GSN: variants seen among roughly 807,000 people sequenced by gnomAD.
GSN encodes the protein actin-depolymerizing factor.
In GSN, 56 loss-of-function variants were observed where a neutral mutation model predicts 85.7. That is an observed-to-expected ratio of 0.65 (90% CI 0.53 to 0.82). The LOEUF (loss-of-function observed/expected upper bound fraction) is 0.82. GSN is among the 40% of genes least tolerant of loss of function. GSN has a pLI of 0.00. For missense variants in GSN, 857 were observed against 979.8 expected (o/e 0.87, Z 1.67); for synonymous variants, 373 against 399.1 (o/e 0.93, Z 0.78).
At chr9:121,301,648 A>G (rs1264108155) in intron 2 of GSN, among the ~76,000 whole-genome samples, 1 of 152,002 alleles carries the variant, frequency 6.6e-6, no homozygotes, top group African/African-American at 2.4e-5. Context: ...AAAAAAAGAA[A>G]AAAAGAAAGA....
chr9:121,215,264 T>G (rs2054041301), intron 4 of GSN, among the ~76,000 whole-genome samples: 1 of 144,100 alleles, frequency 6.9e-6, no homozygotes, highest in South Asian at 2.5e-4. Flanking sequence ...CCATCTAAGT[T>G]GCATTTGCAA....
At chr9:121,279,825 A>G (rs561701033) in intron 1 of GSN, 1 of 152,264 alleles carries the variant, frequency 6.6e-6, no homozygotes, top group African/African-American at 2.4e-5. Flanking sequence ...GTCATTAGTC[A>G]TTTGCAGAAA....
chr9:121,324,551 C>A lies in GSN; in HGVS notation c.1326-3C>A. The A allele has an allele frequency of 6.7e-7, 1 of 1,492,716 alleles. No homozygotes were observed. The highest frequency in any genetic ancestry group is 9.1e-7 in the Non-Finnish European group (1 of 1,095,004). 92.5% of individuals were successfully genotyped at this position (1,492,716 alleles called of 1,614,324 possible). On this transcript the variant is annotated splice_polypyrimidine_tract_variant and splice_region_variant and intron_variant, in intron 11 of 17. Transcript: ENST00000432226. Reference sequence around the variant, plus strand: ...TGATGCTGAATCTCACTTCCCCTTCCAGGCAGGGTGCCCAGTCTACCCAGG... The same window carrying A: ...TGATGCTGAATCTCACTTCCCCTTCAAGGCAGGGTGCCCAGTCTACCCAGG...
chr9:121,301,246 C>T (rs1356671323), intron 2 of GSN, among the ~76,000 whole-genome samples: 1 of 152,198 alleles, frequency 6.6e-6, no homozygotes, highest in Non-Finnish European at 1.5e-5. Context: ...CTGGGGCAAC[C>T]CCTGCTACAC....
intron 7 of GSN, among the ~76,000 whole-genome samples, 166 bp from the exon 8 acceptor site, chr9:121,316,907 GCAGATGTGGTTCT>G (rs1367607560): frequency 6.6e-6 from 1 of 151,930 alleles, no homozygotes; most frequent in African/African-American, 2.4e-5. Flanking sequence ...GTGTAGGTCA[GCAGATGTGGTTCT>G]GACAAAGCAG....
intron 4 of GSN, 110 bp from the exon 5 acceptor site, chr9:121,310,574 C>A (rs1008720360): frequency 1.8e-5 from 17 of 963,826 alleles, no homozygotes; most frequent in Admixed American, 5.9e-5. Context: ...TGCTGGAAAG[C>A]CCCTGGTCCA....
chr9:121,237,668 G>T (rs1199563100), intron 5 of GSN, among the ~76,000 whole-genome samples: 1 of 152,162 alleles, frequency 6.6e-6, no homozygotes, highest in African/African-American at 2.4e-5. Context: ...TCAAGAAAGA[G>T]CATCTTGGCT....
chr9:121,328,952 CAAG>C lies in GSN; in HGVS notation c.1829_1831del (p.Lys610del). On this transcript the variant is annotated inframe_deletion, in exon 15 of 18. Transcript: ENST00000432226. ...ACCGCACATCCCCACGGCTGAAGGA[CAAG>C]AAGATGGATGCCCATCCTCCTCGCC... 1 of 1,613,974 alleles carries C rather than the reference CAAG, an allele frequency of 6.2e-7. No homozygotes were observed. The highest frequency in any genetic ancestry group is 8.5e-7 in the Non-Finnish European group (1 of 1,180,006).
At chr9:121,221,095 C>G (rs1421363262) in intron 4 of GSN, among the ~76,000 whole-genome samples, 1 of 152,204 alleles carries the variant, frequency 6.6e-6, no homozygotes, top group Non-Finnish European at 1.5e-5. Context: ...GGGGCCGCCT[C>G]TCTCACTCAT....
intron 7 of GSN, among the ~76,000 whole-genome samples, 194 bp downstream of exon 7, chr9:121,314,217 C>G (rs910342438): frequency 6.6e-6 from 1 of 152,260 alleles, no homozygotes; most frequent in African/African-American, 2.4e-5. Context: ...GCGATCAACT[C>G]CGTACATATC....
chr9:121,314,011 C>A lies in GSN; in HGVS notation c.741C>A (p.Ala247=), dbSNP rs751823302. The change falls in exon 7 of 18, where the codon GCC becomes GCA. Residue 247 remains alanine (A), a synonymous_variant. Coordinates refer to ENST00000432226, the MANE Select transcript of GSN (RefSeq NM_198252.3). The stretch of plus-strand genomic sequence containing the variant: ...AGGATGCGGCCAACCGCAAGCTGGC[C>A]AAGCTCTACAAGGTGAGCACCAGAT... The part of the protein sequence containing the change: ...AKEDAANRKL[A]KLYKVSNGAG... 2 of 1,613,220 alleles carry A rather than the reference C, an allele frequency of 1.2e-6. No individual in the cohort carries two copies. The highest frequency in any genetic ancestry group is 3.3e-5 in the Admixed American group (2 of 60,036).
At position 121,318,267 on chromosome 9, in the gene GSN, G is replaced by A; in HGVS notation, c.887-139G>A. The A allele has an allele frequency of 1.3e-6, 1 of 763,190 alleles. No homozygotes were observed. Among genetic ancestry groups the A allele is most frequent in the South Asian group, 1.4e-5 (1 of 70,632 alleles). The allele number at this position is 763,190 out of a possible 1,614,324, so 47.3% of individuals were successfully genotyped here. On this transcript the variant is annotated intron_variant, in intron 8 of 17. Coordinates refer to ENST00000432226, the MANE Select transcript of GSN (RefSeq NM_198252.3). The surrounding 1 kb of genome is among the most constrained non-coding windows in gnomAD (Gnocchi z 4.3). Reference sequence around the variant, plus strand: ...CTCTAGTGAGTGGTCGGCTCTGGGGGTCTCTGGCCTTGGCTGTCCACAGTC... The same window carrying A: ...CTCTAGTGAGTGGTCGGCTCTGGGGATCTCTGGCCTTGGCTGTCCACAGTC...
chr9:121,264,670 C>T (rs2055161420), upstream of GSN, among the ~76,000 whole-genome samples: 3 of 152,146 alleles, frequency 2.0e-5, no homozygotes, highest in Admixed American at 2.0e-4. Flanking sequence ...TGTTCCCTTC[C>T]TCACCTCCAC....
chr9:121,270,698 C>G (rs2055812274), intron 1 of GSN, among the ~76,000 whole-genome samples: 1 of 152,190 alleles, frequency 6.6e-6, no homozygotes, highest in African/African-American at 2.4e-5. Context: ...TGTGTGCACT[C>G]CTGCCAAACA....
rs79623375 is a variant in GSN at position 121,254,955 on chromosome 9, G to A, written c.-341+6632G>A. Among the ~76,000 whole-genome samples, 18 of 121,094 alleles carry A rather than the reference G, an allele frequency of 1.5e-4. 1 individual carries two copies. The highest frequency in any genetic ancestry group is 1.4e-3 in the Admixed American group (16 of 11,302). 79.4% of individuals were successfully genotyped at this position (121,094 alleles called of 152,430 possible). ...CTTCATTTTATTTATTTATTTGTTT[G>A]TTTATTTATTTTGAGACAGAGTCTC... On this transcript the variant is annotated intron_variant, in intron 6 of 24. Coordinates refer to the GSN transcript ENST00000373823.
chr9:121,326,292 G>C (rs938943880), intron 12 of GSN, among the ~76,000 whole-genome samples: 2 of 152,086 alleles, frequency 1.3e-5, no homozygotes, highest in Middle Eastern at 3.4e-3. Context: ...TGGAGATGGA[G>C]AGCAGCCCAG....
chr9:121,267,877 G>T (rs2055296418), upstream of GSN, among the ~76,000 whole-genome samples: 1 of 152,132 alleles, frequency 6.6e-6, no homozygotes, highest in South Asian at 2.1e-4. Context: ...GAGCTGCCCT[G>T]GGTCTCCTCC....
At chr9:121,257,034 G>A (rs1360794213) in intron 6 of GSN, among the ~76,000 whole-genome samples, 1 of 152,068 alleles carries the variant, frequency 6.6e-6, no homozygotes, top group Non-Finnish European at 1.5e-5. Flanking sequence ...AAATGTTTGA[G>A]GCAATAGAGA....
At chr9:121,283,679 A>G (rs1564416240) in intron 2 of GSN, 2 of 164,466 alleles carry the variant, frequency 1.2e-5, no homozygotes, top group East Asian at 1.9e-4. Context: ...AGGTTCATTC[A>G]TTCATTCATT....
Sources: allele counts gnomAD v4.1 joint callset (sites outside exome capture counted in the v4.1 genomes callset), GRCh38; gene constraint gnomAD v4.1.1; non-coding constraint Gnocchi (gnomAD v3.1); transcripts MANE v1.5; gene names NCBI Gene and HGNC (gene_info 2026-07-23, HGNC 2026-07-21).